MARCHF1: variants seen among roughly 807,000 people sequenced by gnomAD.
The protein encoded by MARCHF1 is E3 ubiquitin-protein ligase MARCHF1.
MARCHF1 carries 40 observed loss-of-function variants against 54.2 expected under a neutral mutation model. The observed-to-expected ratio is 0.74, with a 90% CI of 0.57 to 0.96. The LOEUF is 0.96. Among genes scored for constraint, MARCHF1 ranks in the 40% least tolerant of loss-of-function variants. The pLI is 0.00. For missense variants in MARCHF1, 586 were observed against 656.5 expected, an observed-to-expected ratio of 0.89 and a Z score of 1.17; for synonymous variants, 236 against 236.3, an observed-to-expected ratio of 1.00 and a Z score of 0.01.
At chr4:164,096,742 T>C (rs1310276806) in intron 2 of MARCHF1, among the ~76,000 whole-genome samples, 3 of 152,110 alleles carry the variant, frequency 2.0e-5, no homozygotes, top group Middle Eastern at 3.2e-3. Flanking sequence ...TAATTCACCT[T>C]GTACCCATAT....
intron 2 of MARCHF1, among the ~76,000 whole-genome samples, chr4:164,032,558 A>C (rs6848590): frequency 0.11 from 17,143 of 152,052 alleles, 1,105 homozygotes; most frequent in Middle Eastern, 0.22. Context: ...GTTTCATATA[A>C]CTTCTTGATT....
chr4:164,050,323 T>TTCAGTTCA lies in MARCHF1; in HGVS notation c.-248+61257_-248+61264dup, dbSNP rs1264628505. On this transcript the variant is annotated intron_variant, in intron 2 of 9. Coordinates refer to ENST00000514618, the MANE Select transcript of MARCHF1 (RefSeq NM_001394959.1). ...AAAAAAAAGGCCCTAGCTTTTATCCTTCAGTTCATCCTCCCACTGCATTCT... is the reference window on the plus strand; with the variant it reads ...AAAAAAAAGGCCCTAGCTTTTATCCTTCAGTTCATCAGTTCATCCTCCCACTGCATTCT... Among the ~76,000 whole-genome samples the TTCAGTTCA allele has an allele frequency of 3.4e-5, 5 of 146,764 alleles. No individual in the cohort carries two copies. The Admixed American group carries it at 3.5e-4, about 10-fold the overall frequency.
At chr4:164,024,998 T>C (rs1308188054) in intron 2 of MARCHF1, among the ~76,000 whole-genome samples, 1 of 150,964 alleles carries the variant, frequency 6.6e-6, no homozygotes, top group African/African-American at 2.4e-5. Flanking sequence ...AGAAGGGCAT[T>C]ACATGATAAA....
chr4:163,735,414 T>A lies in MARCHF1; in HGVS notation c.112-34551A>T, dbSNP rs9997733. Among the ~76,000 whole-genome samples the A allele has an allele frequency of 1.7e-3, 260 of 152,044 alleles. 1 individual carries two copies. The highest frequency in any genetic ancestry group is 5.6e-3 in the African/African-American group (234 of 41,482). ...ACATATTATACAGTCAATAAAGATT[T>A]ATTGACACAAATATCTAGACACAGG... On this transcript the variant is annotated intron_variant, in intron 4 of 9. Transcript: ENST00000514618.
At chr4:164,308,091 A>G (rs1245846990) in intron 1 of MARCHF1, among the ~76,000 whole-genome samples, 2 of 152,214 alleles carry the variant, frequency 1.3e-5, no homozygotes, top group Non-Finnish European at 2.9e-5. Context: ...GGCTGGAATG[A>G]AAAACTAGAA....
intron 7 of MARCHF1, among the ~76,000 whole-genome samples, chr4:163,608,027 C>T (rs142978044): frequency 9.8e-4 from 149 of 152,232 alleles, no homozygotes; most frequent in African/African-American, 3.2e-3. Context: ...GAATTATTCC[C>T]TTAGAAAAGT....
intron 3 of MARCHF1, among the ~76,000 whole-genome samples, chr4:163,969,804 G>A (rs140829359): frequency 2.7e-3 from 418 of 152,282 alleles, no homozygotes; most frequent in African/African-American, 9.3e-3. Flanking sequence ...AAGAAATGAT[G>A]CTACTCAATG....
chr4:163,638,036 G>A (rs1742406504), intron 5 of MARCHF1, among the ~76,000 whole-genome samples: 1 of 145,040 alleles, frequency 6.9e-6, no homozygotes, highest in African/African-American at 2.6e-5. Context: ...GGTGGGAATT[G>A]AACAATGAGG....
intron 3 of MARCHF1, among the ~76,000 whole-genome samples, chr4:163,943,367 T>G (rs1452667086): frequency 2.0e-5 from 3 of 152,252 alleles, no homozygotes; most frequent in East Asian, 3.9e-4. Context: ...TTTTTGTGTA[T>G]AGTGTAATGA....
chr4:164,208,406 C>T (rs550481681), intron 1 of MARCHF1, among the ~76,000 whole-genome samples: 2 of 152,116 alleles, frequency 1.3e-5, no homozygotes, highest in African/African-American at 2.4e-5. Flanking sequence ...AATGCACAGC[C>T]GTAAGCATCT....
At chr4:163,977,097 T>C (rs896350686) in intron 3 of MARCHF1, among the ~76,000 whole-genome samples, 1 of 151,740 alleles carries the variant, frequency 6.6e-6, no homozygotes, top group Non-Finnish European at 1.5e-5. Context: ...AACACATACA[T>C]CATGTGTTCA....
chr4:164,078,552 A>G (rs1246096203), intron 2 of MARCHF1, among the ~76,000 whole-genome samples: 2 of 152,046 alleles, frequency 1.3e-5, no homozygotes, highest in African/African-American at 4.8e-5. Context: ...TTTTTAAAAA[A>G]GAACAACTAT....
chr4:163,582,154 A>G (rs1381438409), intron 8 of MARCHF1, among the ~76,000 whole-genome samples: 2 of 152,138 alleles, frequency 1.3e-5, no homozygotes, highest in African/African-American at 4.8e-5. Flanking sequence ...TTCCTAGTTG[A>G]TCTTGAGTGC....
intron 4 of MARCHF1, among the ~76,000 whole-genome samples, chr4:163,796,579 C>A (rs574021521): frequency 2.0e-5 from 3 of 151,948 alleles, no homozygotes; most frequent in Non-Finnish European, 4.4e-5. Flanking sequence ...TAAAAAAGCA[C>A]AACACTATAT....
chr4:163,802,232 C>T (rs1014177893), intron 4 of MARCHF1, among the ~76,000 whole-genome samples: 1 of 152,078 alleles, frequency 6.6e-6, no homozygotes, highest in Non-Finnish European at 1.5e-5. Context: ...CAGAGTCTAT[C>T]CGGTATCAAA....
At chr4:163,637,740 T>A (rs1176482506) in intron 5 of MARCHF1, among the ~76,000 whole-genome samples, 4 of 151,904 alleles carry the variant, frequency 2.6e-5, no homozygotes, top group African/African-American at 9.7e-5. Context: ...ATCCCATTAC[T>A]GGGTATATAC....
rs190157788 is a variant in MARCHF1, at chr4:164,324,436, T to A, written c.-323+59434A>T. Among the ~76,000 whole-genome samples the A allele has an allele frequency of 7.9e-3, 1,197 of 151,562 alleles. 16 individuals carry two copies. Among genetic ancestry groups the A allele is most frequent in the African/African-American group, 0.028 (1,155 of 41,414 alleles). On this transcript the variant is annotated intron_variant, in intron 1 of 9. Transcript: ENST00000514618. ...TAGTAAATATAATCAAAGAAAAAAA[T>A]AAAATTGTCTGTATAAATCACGAAA...
At chr4:163,981,807 T>C (rs1164085984) in intron 3 of MARCHF1, among the ~76,000 whole-genome samples, 7 of 152,210 alleles carry the variant, frequency 4.6e-5, no homozygotes, top group African/African-American at 1.7e-4. Flanking sequence ...TCCAAGACTC[T>C]TCCACATGAA....
chr4:163,978,764 C>T (rs1309436350), intron 3 of MARCHF1, among the ~76,000 whole-genome samples: 1 of 151,990 alleles, frequency 6.6e-6, no homozygotes, highest in African/African-American at 2.4e-5. Flanking sequence ...GACAAGATCC[C>T]TCTCTGTCAC....
Sources: gnomAD v4.1 joint callset for allele counts (sites outside exome capture counted in the v4.1 genomes callset) on GRCh38, gnomAD v4.1.1 for gene constraint, MANE v1.5 for transcripts, NCBI Gene and HGNC (gene_info 2026-07-23, HGNC 2026-07-21) for gene names.